The following P4HA1 variants were observed in gnomAD, a reference collection of about 807,000 sequenced individuals.
P4HA1 encodes prolyl 4-hydroxylase subunit alpha-1.
A neutral mutation model predicts 72.8 loss-of-function variants in P4HA1; 24 were observed. The ratio of observed to expected loss-of-function variants is 0.33; its 90% CI spans 0.24 to 0.46. P4HA1 has a LOEUF of 0.46. P4HA1 is among the 20% of genes least tolerant of loss of function. P4HA1 has a pLI of 1.00. For missense variants in P4HA1, 446 were observed against 640.6 expected, an observed-to-expected ratio of 0.70 and a Z score of 3.28; for synonymous variants, 201 against 218.8, an observed-to-expected ratio of 0.92 and a Z score of 0.72.
chr10:73,054,520 T>A (rs1464352894), intron 5 of P4HA1, among the ~76,000 whole-genome samples: 1 of 152,196 alleles, frequency 6.6e-6, no homozygotes, highest in Admixed American at 6.5e-5. Flanking sequence ...CTACTTTCTG[T>A]CTCTACAAAT....
intron 9 of P4HA1, among the ~76,000 whole-genome samples, chr10:73,036,725 TAAG>T: frequency 6.6e-6 from 1 of 152,134 alleles, no homozygotes; most frequent in East Asian, 1.9e-4. Context: ...TTCCTTAGTT[TAAG>T]AACTATCTTC....
At chr10:73,073,703 A>G (rs200577313) in intron 3 of P4HA1, 28 bp downstream of exon 3, 3 of 974,636 alleles carry the variant, frequency 3.1e-6, no homozygotes, top group Non-Finnish European at 5.0e-6. Context: ...GTTGAGTCAG[A>G]GTCATAATAA....
rs1304768247 is a variant in P4HA1 at position 73,037,554 on chromosome 10, TATATATATATATATA to T, written c.1149-7199_1149-7185del. 7.8e-4 allele frequency among the ~76,000 whole-genome samples: 26 copies of T among 33,156 alleles called. 2 individuals carry two copies. The highest frequency in any genetic ancestry group is 4.0e-3 in the South Asian group (4 of 1,010). The allele number at this position is 33,156 out of a possible 152,430, so 21.8% of individuals were successfully genotyped here. On this transcript the variant is annotated intron_variant, in intron 9 of 14. Coordinates refer to ENST00000394890, the MANE Select transcript of P4HA1 (RefSeq NM_001017962.3). ...ATATATATATATATATATATATATA[TATATATATATATATA>T]TATTTTTTTTTTTTTTTTTTTACAA...
In P4HA1 at chr10:73,014,921, C is replaced by T. The variant is rs562278515; in HGVS notation, c.1303-632G>A. ...TCAGCTCATTGCAACCTCCACCTCCCGGGTTTAAGCAATTCTTCTGCCTCA... is the reference window on the plus strand; with the variant it reads ...TCAGCTCATTGCAACCTCCACCTCCTGGGTTTAAGCAATTCTTCTGCCTCA... On this transcript the variant is annotated intron_variant, in intron 11 of 14. Coordinates refer to ENST00000394890, the MANE Select transcript of P4HA1 (RefSeq NM_001017962.3). 8.8e-4 allele frequency among the ~76,000 whole-genome samples: 134 copies of T among 151,666 alleles called. 1 individual carries two copies. Among genetic ancestry groups the T allele is most frequent in the Middle Eastern group, 3.4e-3 (1 of 294 alleles).
chr10:73,038,276 AAAAT>A lies in P4HA1; in HGVS notation c.1148+6701_1148+6704del, dbSNP rs534096250. On this transcript the variant is annotated intron_variant, in intron 9 of 14. Transcript: ENST00000394890. ...TCTCCGAAAGAAAATAAAGTAAAAT[AAAAT>A]AAATAAATAAATACACACATATACA... 2.8e-3 allele frequency among the ~76,000 whole-genome samples: 426 copies of A among 152,248 alleles called. 2 individuals are homozygous for A. The highest frequency in any genetic ancestry group is 9.1e-3 in the African/African-American group (378 of 41,554).
Position 73,016,874 on chromosome 10 carries a change from T to C in P4HA1, c.1274A>G (p.Gln425Arg). Reference sequence around the variant, plus strand: ...TGCAAAGTCAAAATGGGGTTCATACTGTCCTCCAACTCCATAATTTGCTAC... The same window carrying C: ...TGCAAAGTCAAAATGGGGTTCATACCGTCCTCCAACTCCATAATTTGCTAC... ...LQVANYGVGG[Q>R]YEPHFDFARK... The change falls in exon 11 of 15, where the codon CAG (glutamine) becomes CGG (arginine). Residue 425 changes from glutamine (Q) to arginine (R), a missense_variant. Coordinates refer to ENST00000394890, the MANE Select transcript of P4HA1 (RefSeq NM_001017962.3). 6.2e-7 allele frequency: 1 copy of C among 1,612,268 alleles called. No individual in the cohort carries two copies. Among genetic ancestry groups the C allele is most frequent in the Non-Finnish European group, 8.5e-7 (1 of 1,178,494 alleles).
intron 1 of P4HA1, among the ~76,000 whole-genome samples, chr10:73,095,543 G>C (rs886132039): frequency 6.8e-6 from 1 of 146,590 alleles, no homozygotes; most frequent in Admixed American, 6.8e-5. Context: ...AAAAAAAAGA[G>C]TAAAAAATTG....
Position 73,053,399 on chromosome 10 carries a change from C to A in P4HA1, c.655G>T (p.Gly219Ter). 6.2e-7 allele frequency: 1 copy of A among 1,614,088 alleles called. No homozygotes were observed. Among genetic ancestry groups the A allele is most frequent in the Non-Finnish European group, 8.5e-7 (1 of 1,179,950 alleles). ...AGCAAAAGTGCCTTATCCAGGTCTC[C>A]CTGCTGATATACCGCATAGCTCAAA... ...DYLSYAVYQQ[G>*]DLDKALLLTK... Residue 219 changes from glycine (G) to a stop codon, truncating the protein, a stop_gained, in exon 6 of 15, where the codon GGA (glycine) becomes TGA (stop). Transcript: ENST00000394890. LOFTEE classifies it high-confidence loss of function.
At chr10:73,029,353 T>A (rs1233742638) in intron 10 of P4HA1, among the ~76,000 whole-genome samples, 2 of 146,042 alleles carry the variant, frequency 1.4e-5, no homozygotes, top group Non-Finnish European at 3.0e-5. Flanking sequence ...GGGGTTGTAG[T>A]GAGTCGAGAT....
chr10:73,069,806 G>GTTTTTTTTTTTTTTTTTTT (rs201651550), intron 4 of P4HA1, among the ~76,000 whole-genome samples: 1 of 147,420 alleles, frequency 6.8e-6, no homozygotes. Context: ...ATAATCAACT[G>GTTTTTTTTTTTTTTTTTTT]TTTTGTTTTT....
At position 73,058,774 on chromosome 10, in the gene P4HA1, CT is replaced by C. The variant is rs151028824; in HGVS notation, c.464-5185del. 9.0e-3 allele frequency among the ~76,000 whole-genome samples: 1,119 copies of C among 123,826 alleles called. 4 individuals carry two copies. The highest frequency in any genetic ancestry group is 0.042 in the South Asian group (166 of 3,940). The allele number at this position is 123,826 out of a possible 152,430, so 81.2% of individuals were successfully genotyped here. On this transcript the variant is annotated intron_variant, in intron 5 of 14. Coordinates refer to ENST00000394890, the MANE Select transcript of P4HA1 (RefSeq NM_001017962.3). ...AGTACATAACAGTATTTATAGTATG[CT>C]TTTTTTTTTTTTTTTTTTTGAGACG... is the stretch of plus-strand genomic sequence containing the variant.
chr10:73,016,996 G>T (rs1840019654), intron 10 of P4HA1, 97 bp from the exon 11 acceptor site: 2 of 794,180 alleles, frequency 2.5e-6, no homozygotes, highest in Non-Finnish European at 4.1e-6. Context: ...TATAGATCAT[G>T]GTCAGGTATT....
At chr10:73,073,220 CTTTT>C (rs573264487) in intron 3 of P4HA1, among the ~76,000 whole-genome samples, 20 of 116,142 alleles carry the variant, frequency 1.7e-4, no homozygotes, top group East Asian at 5.8e-4. Context: ...CATCCATATT[CTTTT>C]TTTTTTTTTT....
chr10:73,063,380 C>T (rs1444274788), intron 5 of P4HA1, among the ~76,000 whole-genome samples: 1 of 152,168 alleles, frequency 6.6e-6, no homozygotes, highest in African/African-American at 2.4e-5. Context: ...TTCATAAGGG[C>T]CTTAAATCCC....
At chr10:73,039,587 G>T (rs1485223852) in intron 9 of P4HA1, among the ~76,000 whole-genome samples, 1 of 151,972 alleles carries the variant, frequency 6.6e-6, no homozygotes, top group African/African-American at 2.4e-5. Context: ...GATTACAGGC[G>T]TGAGCCACCA....
intron 10 of P4HA1, among the ~76,000 whole-genome samples, chr10:73,019,106 A>T (rs1353804465): frequency 2.0e-5 from 3 of 152,038 alleles, no homozygotes; most frequent in Admixed American, 6.6e-5. Flanking sequence ...AGGATTCCAA[A>T]AGCTCTTGCC....
At chr10:73,055,107 C>T (rs1841109294) in intron 5 of P4HA1, among the ~76,000 whole-genome samples, 1 of 152,102 alleles carries the variant, frequency 6.6e-6, no homozygotes, top group Non-Finnish European at 1.5e-5. Flanking sequence ...GTGGTGCATA[C>T]CTGTAGTCCT....
At chr10:73,045,963 C>CA (rs1337663732) in intron 8 of P4HA1, among the ~76,000 whole-genome samples, 4 of 151,472 alleles carry the variant, frequency 2.6e-5, no homozygotes, top group Non-Finnish European at 5.9e-5. Context: ...CCAGATAATT[C>CA]AAACCTTTGA....
chr10:73,024,592 A>G (rs1054776118), intron 10 of P4HA1, among the ~76,000 whole-genome samples: 2 of 152,220 alleles, frequency 1.3e-5, no homozygotes, highest in African/African-American at 4.8e-5. Flanking sequence ...AAGAGAAGCA[A>G]GAGCAAACAA....
Sources: gnomAD v4.1 joint callset for allele counts (sites outside exome capture counted in the v4.1 genomes callset) on GRCh38, gnomAD v4.1.1 for gene constraint, MANE v1.5 for transcripts, NCBI Gene and HGNC (gene_info 2026-07-23, HGNC 2026-07-21) for gene names.